GALNT13: variants seen among roughly 807,000 people sequenced by gnomAD.
The protein encoded by GALNT13 is polypeptide N-acetylgalactosaminyltransferase 13, also known as UDP-GalNAc:polypeptide N-acetylgalactosaminyltransferase 13.
Under a neutral mutation model 64.2 loss-of-function variants are expected in GALNT13, and 28 were observed. The observed-to-expected ratio is 0.44, with a 90% CI of 0.32 to 0.60. The LOEUF (loss-of-function observed/expected upper bound fraction) is 0.60, where lower values mean the gene tolerates loss of function less well. Among genes scored for constraint, GALNT13 ranks in the 20% least tolerant of loss-of-function variants. The probability of loss-of-function intolerance (pLI) is 0.05; values close to 1 mark genes in which losing one functional copy is unlikely to be tolerated. For synonymous variants in GALNT13, 214 were observed against 224.6 expected (o/e 0.95, Z 0.42); for missense variants, 577 against 669.8 (o/e 0.86, Z 1.53).
the GALNT13 span, among the ~76,000 whole-genome samples, chr2:153,672,651 G>A: frequency 6.6e-6 from 1 of 151,962 alleles, no homozygotes; most frequent in African/African-American, 2.4e-5. Context: ...AACTAGAGAA[G>A]CAAGAGCAAA....
the GALNT13 span, among the ~76,000 whole-genome samples, chr2:153,351,821 C>A: frequency 6.6e-6 from 1 of 152,078 alleles, no homozygotes; most frequent in Non-Finnish European, 1.5e-5. Context: ...GAATAATATT[C>A]CATTATCTGG....
At chr2:153,814,222 C>T in the GALNT13 span, among the ~76,000 whole-genome samples, 6 of 152,164 alleles carry the variant, frequency 3.9e-5, no homozygotes, top group South Asian at 2.1e-4. Context: ...GGGCGGATCA[C>T]GAGGTCAGGA....
intron 3 of GALNT13, among the ~76,000 whole-genome samples, chr2:154,087,019 T>C (rs1701565196): frequency 6.6e-6 from 1 of 151,992 alleles, no homozygotes; most frequent in African/African-American, 2.4e-5. Flanking sequence ...AGAATCTTGG[T>C]AGGAAAAAGG....
chr2:153,164,867 G>A, the GALNT13 span, among the ~76,000 whole-genome samples: 6 of 152,076 alleles, frequency 3.9e-5, no homozygotes, highest in Non-Finnish European at 1.5e-5. Flanking sequence ...ATATTACCAG[G>A]TTGCCTGCCA....
At chr2:153,203,278 T>C in the GALNT13 span, among the ~76,000 whole-genome samples, 1 of 152,240 alleles carries the variant, frequency 6.6e-6, no homozygotes, top group Non-Finnish European at 1.5e-5. Flanking sequence ...ATTCGTCTTC[T>C]ACAATTTCTG....
In GALNT13 at chr2:154,023,881, T is replaced by G. The variant is rs764479145; in HGVS notation, c.142+79242T>G. 2.9e-3 allele frequency among the ~76,000 whole-genome samples: 413 copies of G among 144,106 alleles called. 3 individuals carry two copies. The highest frequency in any genetic ancestry group is 4.2e-3 in the Non-Finnish European group (276 of 65,390). The allele number at this position is 144,106 out of a possible 152,430, so 94.5% of individuals were successfully genotyped here. The stretch of plus-strand genomic sequence containing the variant: ...TGCTTCTTTCAGGAGCTCTTTTAGG[T>G]CAGGCCTGGTGGTGACAAAATCTCT... On this transcript the variant is annotated intron_variant, in intron 3 of 12. Coordinates refer to ENST00000392825, the MANE Select transcript of GALNT13 (RefSeq NM_052917.4).
intron 4 of GALNT13, 57 bp downstream of exon 4, chr2:154,140,562 C>A: frequency 7.9e-7 from 1 of 1,269,162 alleles, no homozygotes; most frequent in Non-Finnish European, 1.1e-6. Flanking sequence ...ATTTCAGAAT[C>A]TCAGAACTTG....
At chr2:154,310,566 A>G (rs1267778416) in intron 9 of GALNT13, among the ~76,000 whole-genome samples, 1 of 152,140 alleles carries the variant, frequency 6.6e-6, no homozygotes, top group Admixed American at 6.6e-5. Flanking sequence ...TTTATATTGC[A>G]TGGATATATC....
At chr2:153,081,394 A>G in the GALNT13 span, among the ~76,000 whole-genome samples, 8 of 152,252 alleles carry the variant, frequency 5.3e-5, no homozygotes, top group South Asian at 1.0e-3. Flanking sequence ...ACGTTATTTT[A>G]AAATGTATAA....
chr2:153,503,603 G>A, the GALNT13 span, among the ~76,000 whole-genome samples: 1,954 of 152,058 alleles, frequency 0.013, 43 homozygotes, highest in African/African-American at 0.044. Context: ...ACCATACCCG[G>A]CTAATTTTTG....
intron 4 of GALNT13, among the ~76,000 whole-genome samples, chr2:154,142,568 A>AG (rs1683319969): frequency 6.6e-6 from 1 of 150,964 alleles, no homozygotes. Flanking sequence ...AAAAAAAAAA[A>AG]AAAAAGAAAG....
the GALNT13 span, among the ~76,000 whole-genome samples, chr2:153,329,731 G>A: frequency 6.6e-6 from 1 of 152,116 alleles, no homozygotes. Context: ...TAGGATGTCT[G>A]TTTACTCTGT....
At chr2:153,478,603 G>C in the GALNT13 span, 1 of 1,485,952 alleles carries the variant, frequency 6.7e-7, no homozygotes, top group Non-Finnish European at 9.0e-7. Flanking sequence ...GCGCGGGTCC[G>C]AGGGGTGGGA....
chr2:153,458,367 A>C, the GALNT13 span, among the ~76,000 whole-genome samples: 1 of 152,078 alleles, frequency 6.6e-6, no homozygotes, highest in African/African-American at 2.4e-5. Context: ...TTTTCATTCG[A>C]GCTTCAAAGA....
At chr2:153,342,278 C>T in the GALNT13 span, among the ~76,000 whole-genome samples, 13 of 152,070 alleles carry the variant, frequency 8.5e-5, no homozygotes, top group Non-Finnish European at 1.5e-4. Flanking sequence ...TGGTCTGTGT[C>T]CAGTGATCTT....
At chr2:153,244,951 T>C in the GALNT13 span, among the ~76,000 whole-genome samples, 21,410 of 152,218 alleles carry the variant, frequency 0.14, 1,784 homozygotes, top group African/African-American at 0.23. Flanking sequence ...GGGATGGGCA[T>C]CCACCATTAC....
chr2:153,887,094 C>A (rs951646483), intron 1 of GALNT13, among the ~76,000 whole-genome samples: 1 of 151,876 alleles, frequency 6.6e-6, no homozygotes, highest in Non-Finnish European at 1.5e-5. Flanking sequence ...CAACCCAGGT[C>A]TCTTACTGGG....
intron 3 of GALNT13, among the ~76,000 whole-genome samples, chr2:154,122,797 A>C (rs1443690504): frequency 6.6e-6 from 1 of 152,010 alleles, no homozygotes; most frequent in Non-Finnish European, 1.5e-5. Context: ...ACATCAGTAG[A>C]ACTAATGATT....
chr2:153,684,069 A>AATATAT, the GALNT13 span, among the ~76,000 whole-genome samples: 20 of 148,380 alleles, frequency 1.3e-4, no homozygotes, highest in Admixed American at 5.4e-4. Flanking sequence ...TCTTCATAAT[A>AATATAT]ATATATATAT....
Sources: allele counts gnomAD v4.1 joint callset (sites outside exome capture counted in the v4.1 genomes callset), GRCh38; gene constraint gnomAD v4.1.1; transcripts MANE v1.5; gene names NCBI Gene and HGNC (gene_info 2026-07-23, HGNC 2026-07-21).